RBM20: variants seen among roughly 807,000 people sequenced by gnomAD.
The protein encoded by RBM20 is RNA-binding protein 20.
A neutral mutation model predicts 110.1 loss-of-function variants in RBM20; 51 were observed. That is an observed-to-expected ratio of 0.46 (90% CI 0.37 to 0.59). The LOEUF is 0.59. Ranked by LOEUF, RBM20 falls within the 20% of genes least tolerant of loss-of-function variation. RBM20 has a pLI of 0.00. For synonymous variants in RBM20, 589 were observed against 618.2 expected, an observed-to-expected ratio of 0.95 and a Z score of 0.70; for missense variants, 1,512 against 1,574.9, an observed-to-expected ratio of 0.96 and a Z score of 0.68.
chr10:110,686,444 A>C (rs1862506097), intron 1 of RBM20, among the ~76,000 whole-genome samples: 1 of 151,440 alleles, frequency 6.6e-6, no homozygotes, highest in Non-Finnish European at 1.5e-5. Flanking sequence ...CCCAGTTAAA[A>C]CTCTCTGATT....
At chr10:110,810,744 T>C (rs924927758) in intron 8 of RBM20, among the ~76,000 whole-genome samples, 6 of 152,166 alleles carry the variant, frequency 3.9e-5, no homozygotes, top group African/African-American at 1.4e-4. Flanking sequence ...TGTTAATATT[T>C]GGCCCTTTGG....
intron 1 of RBM20, among the ~76,000 whole-genome samples, chr10:110,688,266 A>G (rs1862534993): frequency 6.6e-6 from 1 of 152,200 alleles, no homozygotes. Flanking sequence ...ACTTGATAGG[A>G]TGAGAGGCTG....
At chr10:110,738,548 T>C (rs11599346) in intron 1 of RBM20, among the ~76,000 whole-genome samples, 42,562 of 151,960 alleles carry the variant, frequency 0.28, 6,458 homozygotes, top group Middle Eastern at 0.37. Flanking sequence ...CCAAGGTCTG[T>C]GAAATGACAG....
chr10:110,799,890 C>T lies in RBM20; in HGVS notation c.1772C>T (p.Ser591Phe). ...GGTGAGAAGTTGCTCATTCGGATGT[C>T]CAAGAGATACAAGGAATTGCAGCTC... Reference protein sequence around the residue: ...INGEKLLIRMSKRYKELQLKK... With the variant: ...INGEKLLIRMFKRYKELQLKK... Residue 591 changes from serine (S) to phenylalanine (F), a missense_variant, in exon 7 of 14, where the codon TCC becomes TTC. Ser to Phe is a radical substitution (Grantham distance 155). Coordinates refer to ENST00000369519, the MANE Select transcript of RBM20 (RefSeq NM_001134363.3). The T allele has an allele frequency of 1.3e-6, 2 of 1,551,998 alleles. No individual in the cohort carries two copies. Among genetic ancestry groups the T allele is most frequent in the Non-Finnish European group, 1.7e-6 (2 of 1,147,020 alleles).
At chr10:110,656,268 A>G (rs1862025488) in intron 1 of RBM20, among the ~76,000 whole-genome samples, 1 of 152,114 alleles carries the variant, frequency 6.6e-6, no homozygotes, top group Non-Finnish European at 1.5e-5. Flanking sequence ...AGATAGCGCC[A>G]TTGCACTCCA....
intron 7 of RBM20, among the ~76,000 whole-genome samples, chr10:110,804,685 TG>T (rs1844673307): frequency 6.6e-6 from 1 of 152,182 alleles, no homozygotes; most frequent in Non-Finnish European, 1.5e-5. Flanking sequence ...CAACAAAAAG[TG>T]AGTAGCCTTC....
intron 1 of RBM20, among the ~76,000 whole-genome samples, chr10:110,649,079 A>T (rs960788425): frequency 6.6e-6 from 1 of 152,120 alleles, no homozygotes; most frequent in Admixed American, 6.6e-5. Flanking sequence ...TTAATAATTT[A>T]AAAAGCCCAA....
chr10:110,649,519 C>T lies in RBM20; in HGVS notation c.191+4874C>T, dbSNP rs138940935. On this transcript the variant is annotated intron_variant, in intron 1 of 13. Transcript: ENST00000369519. ...AAAGAGAAGTTCAGAAGTAGGACAC[C>T]CCTCTCCCTTCATCTGTCCTGGTCT... 8.9e-4 allele frequency among the ~76,000 whole-genome samples: 136 copies of T among 152,156 alleles called. 1 individual carries two copies. Among genetic ancestry groups the T allele is most frequent in the African/African-American group, 3.2e-3 (132 of 41,508 alleles).
At chr10:110,725,803 C>A (rs1843553948) in intron 1 of RBM20, among the ~76,000 whole-genome samples, 1 of 152,230 alleles carries the variant, frequency 6.6e-6, no homozygotes, top group South Asian at 2.1e-4. Context: ...TGGCATATAG[C>A]TGGGGTGGCG....
chr10:110,833,834 C>G (rs1449596997), intron 13 of RBM20, among the ~76,000 whole-genome samples: 2 of 152,216 alleles, frequency 1.3e-5, no homozygotes, highest in African/African-American at 4.8e-5. Flanking sequence ...TGCTGGGGAG[C>G]TGGGAGTTTC....
At chr10:110,708,874 T>C (rs1016684314) in intron 1 of RBM20, among the ~76,000 whole-genome samples, 7 of 152,128 alleles carry the variant, frequency 4.6e-5, no homozygotes, top group African/African-American at 1.7e-4. Flanking sequence ...TTGGAATGAT[T>C]GAGAGTGTGG....
At chr10:110,819,399 C>T (rs1014423415) in intron 9 of RBM20, among the ~76,000 whole-genome samples, 5 of 152,216 alleles carry the variant, frequency 3.3e-5, no homozygotes, top group Non-Finnish European at 5.9e-5. Context: ...AGGTCAGATT[C>T]GGCCTGCAGA....
intron 1 of RBM20, among the ~76,000 whole-genome samples, chr10:110,707,890 G>T (rs752143825): frequency 1.3e-5 from 2 of 152,174 alleles, no homozygotes; most frequent in African/African-American, 4.8e-5. Flanking sequence ...AAAATAACCA[G>T]AAGAGTGGAA....
At chr10:110,709,387 G>A (rs1862888456) in intron 1 of RBM20, among the ~76,000 whole-genome samples, 1 of 152,144 alleles carries the variant, frequency 6.6e-6, no homozygotes, top group African/African-American at 2.4e-5. Context: ...GCAGACAGCA[G>A]GCCATTCTGG....
At chr10:110,689,818 A>G (rs1344263796) in intron 1 of RBM20, among the ~76,000 whole-genome samples, 4 of 152,226 alleles carry the variant, frequency 2.6e-5, no homozygotes, top group Non-Finnish European at 5.9e-5. Flanking sequence ...TATTCTTCAT[A>G]TCATCAAGAA....
At position 110,821,315 on chromosome 10, in the gene RBM20, G is replaced by A. The variant is rs1844906113; in HGVS notation, c.2696G>A (p.Ser899Asn). 2 of 1,551,600 alleles carry A rather than the reference G, an allele frequency of 1.3e-6. No homozygotes were observed. Among genetic ancestry groups the A allele is most frequent in the Admixed American group, 2.0e-5 (1 of 50,990 alleles). ...AGTGAAAGTGAGGCAGAGGGGGAGA[G>A]CTGGTATCCCACTAACATGGAGGAG... Reference protein sequence around the residue: ...WESESEAEGESWYPTNMEELV... With the variant: ...WESESEAEGENWYPTNMEELV... The change falls in exon 11 of 14, where the codon AGC becomes AAC. Residue 899 changes from serine (S) to asparagine (N), a missense_variant. Transcript: ENST00000369519.
At chr10:110,750,877 A>G (rs190573302) in intron 1 of RBM20, among the ~76,000 whole-genome samples, 53 of 152,324 alleles carry the variant, frequency 3.5e-4, no homozygotes, top group African/African-American at 1.2e-3. Context: ...CTAAGGAGGT[A>G]CCAGTGTTTT....
At chr10:110,659,980 AT>A (rs555576656) in intron 1 of RBM20, among the ~76,000 whole-genome samples, 1 of 151,088 alleles carries the variant, frequency 6.6e-6, no homozygotes. Context: ...TGCCTGGCTA[AT>A]TTTTTTTGTA....
chr10:110,771,647 G>A (rs965638314), intron 1 of RBM20, among the ~76,000 whole-genome samples: 1 of 152,206 alleles, frequency 6.6e-6, no homozygotes, highest in Non-Finnish European at 1.5e-5. Flanking sequence ...ATCATGAAAG[G>A]GACATCAGTG....
Sources: gnomAD v4.1 joint callset for allele counts (sites outside exome capture counted in the v4.1 genomes callset) on GRCh38, gnomAD v4.1.1 for gene constraint, MANE v1.5 for transcripts, NCBI Gene and HGNC (gene_info 2026-07-23, HGNC 2026-07-21) for gene names.